Variants in CHMP7 observed in about 807,000 individuals in gnomAD.
CHMP7 encodes the protein CHMP family, member 7.
CHMP7 carries 15 observed loss-of-function variants against 53.7 expected under a neutral mutation model. That is an observed-to-expected ratio of 0.28 (90% CI 0.19 to 0.43). CHMP7 has a LOEUF of 0.43. Ranked by LOEUF, CHMP7 falls within the 20% of genes least tolerant of loss-of-function variation. The pLI, the probability that CHMP7 is intolerant of heterozygous loss-of-function variation, is 1.00. For synonymous variants in CHMP7, 261 were observed against 228.0 expected, an observed-to-expected ratio of 1.14 and a Z score of -1.30; for missense variants, 527 against 569.4, an observed-to-expected ratio of 0.93 and a Z score of 0.76.
Position 23,255,305 on chromosome 8 carries a change from TG to T in CHMP7, c.532del (p.Val178TrpfsTer44). On this transcript the variant is annotated frameshift_variant, in exon 4 of 11. Coordinates refer to ENST00000397677, the MANE Select transcript of CHMP7 (RefSeq NM_152272.5). LOFTEE classifies it high-confidence loss of function. ...AACTCGCCCCTCTCCTCCCACCCCG[TG>T]GTGGCCCTGTCAGAGCTCAGCACCC... The part of the protein sequence containing the change: ...YQNSPLSSHP[V>X]VALSELSTLC... The T allele has an allele frequency of 6.2e-7, 1 of 1,614,118 alleles. No homozygotes were observed. Among genetic ancestry groups the T allele is most frequent in the Non-Finnish European group, 8.5e-7 (1 of 1,180,000 alleles).
chr8:23,247,635 C>T (rs1014689306), intron 2 of CHMP7, among the ~76,000 whole-genome samples: 4 of 152,156 alleles, frequency 2.6e-5, no homozygotes, highest in African/African-American at 7.2e-5. Flanking sequence ...CAGTACTTCC[C>T]AGCATGCAGA....
At chr8:23,253,849 T>C (rs1479216450) in intron 3 of CHMP7, among the ~76,000 whole-genome samples, 1 of 152,202 alleles carries the variant, frequency 6.6e-6, no homozygotes, top group Admixed American at 6.5e-5. Context: ...CATAATCTCT[T>C]GTGTAAATGG....
chr8:23,255,771 CTT>C (rs56174372), intron 4 of CHMP7, among the ~76,000 whole-genome samples: 4 of 133,018 alleles, frequency 3.0e-5, no homozygotes, highest in Admixed American at 7.7e-5. Context: ...CCTTATTGTA[CTT>C]TTTTTTTTTT....
intron 3 of CHMP7, among the ~76,000 whole-genome samples, chr8:23,250,040 TTTACCACCC>T (rs1303073088): frequency 1.3e-5 from 2 of 152,068 alleles, no homozygotes; most frequent in Non-Finnish European, 2.9e-5. Flanking sequence ...CCACATGGGG[TTTACCACCC>T]CTGCTGGAGA....
rs3736022 is a variant in CHMP7 at position 23,258,133 on chromosome 8, G to A, written c.840+52G>A. ...TAGCAGTGCCCCAGGCAGGCCTGGA[G>A]CAATGCCCAGCAGTTCAGAGAGCAG... On this transcript the variant is annotated intron_variant, in intron 6 of 10. Transcript: ENST00000397677. The A allele has an allele frequency of 5.9e-6, 9 of 1,521,838 alleles. No individual in the cohort carries two copies. The African/African-American group carries it at 1.1e-4, about 19-fold the overall frequency. The allele number at this position is 1,521,838 out of a possible 1,614,324, so 94.3% of individuals were successfully genotyped here. A position where few individuals can be genotyped will look rare whatever the true frequency, so the allele number is the denominator to read the frequency against.
intron 10 of CHMP7, 31 bp from the exon 11 acceptor site, chr8:23,260,507 T>TA: frequency 6.2e-7 from 1 of 1,608,650 alleles, no homozygotes; most frequent in Admixed American, 1.7e-5. Flanking sequence ...ATTTTCCTGT[T>TA]ATAGTGTTCA....
At chr8:23,249,777 C>T (rs553106768) in intron 3 of CHMP7, among the ~76,000 whole-genome samples, 5 of 152,268 alleles carry the variant, frequency 3.3e-5, no homozygotes, top group Admixed American at 6.5e-5. Context: ...ACTTTGTGAC[C>T]GTGCCCTTTC....
chr8:23,249,201 T>G lies in CHMP7; in HGVS notation c.300-9T>G. The G allele has an allele frequency of 6.4e-7, 1 of 1,565,584 alleles. No homozygotes were observed. The highest frequency in any genetic ancestry group is 1.2e-5 in the South Asian group (1 of 83,168). ...TGCTACTACACGCCCTTCTTTTTCT[T>G]CCCTGCAGTCGAGGGGAGCTGCAGC... On this transcript the variant is annotated splice_polypyrimidine_tract_variant and intron_variant, in intron 2 of 10. Transcript: ENST00000397677.
At chr8:23,252,107 G>A (rs1585308144) in intron 3 of CHMP7, among the ~76,000 whole-genome samples, 1 of 150,158 alleles carries the variant, frequency 6.7e-6, no homozygotes, top group Non-Finnish European at 1.5e-5. Context: ...TGTGAATTGA[G>A]CATTTTTTTC....
At chr8:23,259,610 G>A (rs558708277) in intron 9 of CHMP7, among the ~76,000 whole-genome samples, 9 of 152,118 alleles carry the variant, frequency 5.9e-5, no homozygotes, top group Admixed American at 3.9e-4. Context: ...CGCCGGCCTC[G>A]GCCTCCCAAA....
At chr8:23,244,469 T>A (rs1801619818) in intron 1 of CHMP7, among the ~76,000 whole-genome samples, 1 of 152,244 alleles carries the variant, frequency 6.6e-6, no homozygotes, top group African/African-American at 2.4e-5. Context: ...ATGTGCCTAT[T>A]TCTGGGATTC....
At chr8:23,245,205 T>A (rs1219049459) in intron 1 of CHMP7, among the ~76,000 whole-genome samples, 1 of 152,238 alleles carries the variant, frequency 6.6e-6, no homozygotes, top group East Asian at 1.9e-4. Context: ...CTTGTGTTAT[T>A]CCTGATTCCA....
chr8:23,246,685 C>T lies in CHMP7; in HGVS notation c.-11C>T, dbSNP rs1168749632. The T allele has an allele frequency of 4.5e-6, 7 of 1,545,554 alleles. No individual in the cohort carries two copies. Among genetic ancestry groups the T allele is most frequent in the Middle Eastern group, 2.2e-4 (1 of 4,458 alleles). ...GCTTGTGTTCGCAGCCTTGCCGGGG[C>T]TGGGGTTCCGATGTGGTCCCCGGAG... On this transcript the variant is annotated 5_prime_UTR_variant, in exon 2 of 11. Coordinates refer to ENST00000397677, the MANE Select transcript of CHMP7 (RefSeq NM_152272.5).
chr8:23,255,822 C>G (rs909800191), intron 4 of CHMP7, among the ~76,000 whole-genome samples: 1 of 145,294 alleles, frequency 6.9e-6, no homozygotes, highest in African/African-American at 2.5e-5. Flanking sequence ...CCAGCAATGG[C>G]GCAATCTGAG....
chr8:23,249,234 A>G lies in CHMP7; in HGVS notation c.324A>G (p.Ser108=). 1 of 1,598,810 alleles carries G rather than the reference A, an allele frequency of 6.3e-7. No homozygotes were observed. The highest frequency in any genetic ancestry group is 8.5e-7 in the Non-Finnish European group (1 of 1,174,102). Residue 108 remains serine (S), a synonymous_variant, in exon 3 of 11, where the codon TCA becomes TCG. Coordinates refer to ENST00000397677, the MANE Select transcript of CHMP7 (RefSeq NM_152272.5). ...GTCGAGGGGAGCTGCAGCGGGAGTCAGACTTCATGGCCAGTGTAGACAGCA... is the reference window on the plus strand; with the variant it reads ...GTCGAGGGGAGCTGCAGCGGGAGTCGGACTTCATGGCCAGTGTAGACAGCA... ...LLRRGELQRE[S]DFMASVDSSW...
At chr8:23,248,279 AT>A (rs1283234237) in intron 2 of CHMP7, 7 of 446,490 alleles carry the variant, frequency 1.6e-5, no homozygotes, top group African/African-American at 1.2e-4. Context: ...AGACACTTTA[AT>A]ACCTCTATGG....
At chr8:23,254,034 A>G (rs1249874631) in intron 3 of CHMP7, among the ~76,000 whole-genome samples, 1 of 152,164 alleles carries the variant, frequency 6.6e-6, no homozygotes, top group East Asian at 1.9e-4. Context: ...TCTATAATAT[A>G]GGAGTGCTTC....
intron 9 of CHMP7, chr8:23,259,748 G>T (rs1802304583): frequency 1.1e-5 from 2 of 179,990 alleles, no homozygotes; most frequent in South Asian, 2.6e-4. Flanking sequence ...CCGGGTGCAG[G>T]CAGGCCTCTC....
At chr8:23,252,786 A>T (rs184155599) in intron 3 of CHMP7, among the ~76,000 whole-genome samples, 206 of 152,252 alleles carry the variant, frequency 1.4e-3, no homozygotes, top group African/African-American at 4.7e-3. Flanking sequence ...ATTTTTGTGT[A>T]TGTGGTGGGG....
Sources: gnomAD v4.1 joint callset for allele counts (sites outside exome capture counted in the v4.1 genomes callset) on GRCh38, gnomAD v4.1.1 for gene constraint, MANE v1.5 for transcripts, NCBI Gene and HGNC (gene_info 2026-07-23, HGNC 2026-07-21) for gene names.